Variants in RPL39L observed in about 807,000 individuals in gnomAD.
RPL39L encodes the protein ribosomal protein L39 like, also known as ribosomal protein eL39-like 2.
For synonymous variants in RPL39L, 16 were observed against 20.1 expected, an observed-to-expected ratio of 0.80 and a Z score of 0.55; for missense variants, 48 against 58.9, an observed-to-expected ratio of 0.81 and a Z score of 0.61.
intron 1 of RPL39L, among the ~76,000 whole-genome samples, chr3:187,133,271 C>A (rs987271429): frequency 2.6e-4 from 40 of 152,176 alleles, no homozygotes; most frequent in African/African-American, 9.6e-4. Flanking sequence ...GAGGGAGGGA[C>A]CTGGTAGGAG....
chr3:187,135,671 G>A (rs922335385), intron 1 of RPL39L, among the ~76,000 whole-genome samples: 14 of 152,200 alleles, frequency 9.2e-5, no homozygotes, highest in African/African-American at 3.1e-4. Context: ...AAACACACTC[G>A]TGGGTGAGGT....
chr3:187,138,512 T>C (rs1051143970), intron 1 of RPL39L, among the ~76,000 whole-genome samples: 1 of 152,176 alleles, frequency 6.6e-6, no homozygotes, highest in Non-Finnish European at 1.5e-5. Context: ...AAAGAAAGTG[T>C]TTGCGCCTGT....
intron 1 of RPL39L, among the ~76,000 whole-genome samples, 174 bp from the exon 2 acceptor site, chr3:187,128,236 A>T (rs1200182029): frequency 1.3e-5 from 2 of 152,208 alleles, no homozygotes; most frequent in Admixed American, 6.5e-5. Context: ...ACAAAATTGA[A>T]ACACGTAATA....
chr3:187,139,360 C>G lies in RPL39L; in HGVS notation c.-240G>C, dbSNP rs1183495964. Reference sequence around the variant, plus strand: ...CGCTCCGTCGTCCTGACGCCCCCGGCCTAGCTGCAGCCACCTTGTCGCAGG... The same window carrying G: ...CGCTCCGTCGTCCTGACGCCCCCGGGCTAGCTGCAGCCACCTTGTCGCAGG... On this transcript the variant is annotated 5_prime_UTR_variant, in exon 1 of 3. Coordinates refer to ENST00000296277, the MANE Select transcript of RPL39L (RefSeq NM_052969.3). The G allele has an allele frequency of 6.6e-6, 1 of 152,320 alleles. No individual in the cohort carries two copies. Among genetic ancestry groups the G allele is most frequent in the African/African-American group, 2.4e-5 (1 of 41,460 alleles). The allele number at this position is 152,320 out of a possible 1,614,324, so 9.4% of individuals were successfully genotyped here. A position where few individuals can be genotyped will look rare whatever the true frequency, so the allele number is the denominator to read the frequency against.
chr3:187,134,483 T>TAAAAAAA (rs72169562), intron 1 of RPL39L, among the ~76,000 whole-genome samples: 2 of 93,398 alleles, frequency 2.1e-5, no homozygotes, highest in African/African-American at 4.3e-5. Context: ...GCCTGACTGA[T>TAAAAAAA]AAAAAAAAAA....
intron 1 of RPL39L, among the ~76,000 whole-genome samples, chr3:187,135,720 AACCAAGT>A (rs1201746102): frequency 1.3e-5 from 2 of 152,220 alleles, no homozygotes; most frequent in Non-Finnish European, 2.9e-5. Flanking sequence ...GGAAGACATA[AACCAAGT>A]GTGTTGATCC....
chr3:187,128,956 T>C (rs1720443320), intron 1 of RPL39L, among the ~76,000 whole-genome samples: 1 of 152,204 alleles, frequency 6.6e-6, no homozygotes, highest in Non-Finnish European at 1.5e-5. Flanking sequence ...ATTGTACCTC[T>C]TGCTTGCAGA....
chr3:187,126,870 T>G (rs1720407117), intron 2 of RPL39L, among the ~76,000 whole-genome samples: 1 of 152,190 alleles, frequency 6.6e-6, no homozygotes, highest in Non-Finnish European at 1.5e-5. Flanking sequence ...CCTACAACAA[T>G]CTGGGATCCA....
chr3:187,124,547 T>C (rs951905310), intron 2 of RPL39L, among the ~76,000 whole-genome samples: 1 of 152,162 alleles, frequency 6.6e-6, no homozygotes, highest in African/African-American at 2.4e-5. Flanking sequence ...TTCCTGCCCC[T>C]TGCTGTCCTA....
Position 187,128,010 on chromosome 3 carries a change from CT to C in RPL39L, c.-41del, listed in dbSNP as rs1251112673. The C allele has an allele frequency of 1.3e-5, 2 of 152,198 alleles. No individual in the cohort carries two copies. The highest frequency in any genetic ancestry group is 1.5e-5 in the Non-Finnish European group (1 of 68,006). The allele number at this position is 152,198 out of a possible 1,614,324, so 9.4% of individuals were successfully genotyped here. ...GAAGAAAATCCTACCTTTTTCAAGT[CT>C]GAATTTCCTACTCCAAAGAGGCAAA... On this transcript the variant is annotated 5_prime_UTR_variant, in exon 2 of 3. Transcript: ENST00000296277.
intron 2 of RPL39L, among the ~76,000 whole-genome samples, chr3:187,124,012 G>A (rs992059539): frequency 1.3e-5 from 2 of 152,162 alleles, no homozygotes; most frequent in Non-Finnish European, 2.9e-5. Flanking sequence ...TGGCTATAAT[G>A]CCAACTGAAA....
At chr3:187,122,447 TCTGA>T (rs1190605837) in intron 2 of RPL39L, among the ~76,000 whole-genome samples, 1 of 152,222 alleles carries the variant, frequency 6.6e-6, no homozygotes, top group Non-Finnish European at 1.5e-5. Flanking sequence ...TATGACTGTT[TCTGA>T]CTGTCTGAGT....
chr3:187,123,484 T>C (rs1037146225), intron 2 of RPL39L, among the ~76,000 whole-genome samples: 1 of 152,230 alleles, frequency 6.6e-6, no homozygotes, highest in Non-Finnish European at 1.5e-5. Flanking sequence ...TCATCTTAAA[T>C]TGACCACATG....
At chr3:187,137,532 G>C (rs570230652) in intron 1 of RPL39L, among the ~76,000 whole-genome samples, 94 of 151,834 alleles carry the variant, frequency 6.2e-4, no homozygotes, top group African/African-American at 2.1e-3. Context: ...AGAAAAATTG[G>C]CCGGGTGCGG....
chr3:187,132,320 C>T (rs1720499836), intron 1 of RPL39L, among the ~76,000 whole-genome samples: 1 of 152,190 alleles, frequency 6.6e-6, no homozygotes, highest in Non-Finnish European at 1.5e-5. Flanking sequence ...AGAGAGAATA[C>T]AGATTTTTTT....
intron 1 of RPL39L, among the ~76,000 whole-genome samples, chr3:187,128,787 T>C (rs1236414280): frequency 1.3e-5 from 2 of 152,236 alleles, no homozygotes; most frequent in East Asian, 3.8e-4. Context: ...GCAAGGTCTG[T>C]GTGTAATGCT....
At chr3:187,129,840 A>G (rs890806838) in intron 1 of RPL39L, among the ~76,000 whole-genome samples, 2 of 118,750 alleles carry the variant, frequency 1.7e-5, no homozygotes, top group Non-Finnish European at 3.3e-5. Flanking sequence ...CCTCCCCTCC[A>G]CCCTTTTTTT....
At chr3:187,133,833 G>A (rs1014960715) in intron 1 of RPL39L, among the ~76,000 whole-genome samples, 2 of 152,166 alleles carry the variant, frequency 1.3e-5, no homozygotes, top group African/African-American at 4.8e-5. Flanking sequence ...GTGTACTGAA[G>A]ATGGACCAAT....
At chr3:187,135,897 A>G (rs1490150197) in intron 1 of RPL39L, among the ~76,000 whole-genome samples, 1 of 152,252 alleles carries the variant, frequency 6.6e-6, no homozygotes, top group Non-Finnish European at 1.5e-5. Context: ...GGCATGCCGC[A>G]TGGCGAGAGA....
Sources: allele counts gnomAD v4.1 joint callset (sites outside exome capture counted in the v4.1 genomes callset), GRCh38; gene constraint gnomAD v4.1.1; transcripts MANE v1.5; gene names NCBI Gene and HGNC (gene_info 2026-07-23, HGNC 2026-07-21).